SLC9A4: variants seen among roughly 807,000 people sequenced by gnomAD.
SLC9A4 encodes sodium/hydrogen exchanger 4.
Under a neutral mutation model 67.4 loss-of-function variants are expected in SLC9A4, and 63 were observed. The ratio of observed to expected loss-of-function variants is 0.93; its 90% CI spans 0.76 to 1.15. The LOEUF (loss-of-function observed/expected upper bound fraction) is 1.15. Ranked by LOEUF, SLC9A4 falls within the 50% of genes most tolerant of loss-of-function variation. The pLI is 0.00. For missense variants in SLC9A4, 1,089 were observed against 987.7 expected (o/e 1.10, Z -1.38); for synonymous variants, 393 against 367.2 (o/e 1.07, Z -0.80).
intron 11 of SLC9A4, among the ~76,000 whole-genome samples, chr2:102,530,744 C>T (rs1674759459): frequency 6.6e-6 from 1 of 151,950 alleles, no homozygotes; most frequent in South Asian, 2.1e-4. Flanking sequence ...TTGTAGAGAA[C>T]ATGTTAAAGG....
intron 1 of SLC9A4, among the ~76,000 whole-genome samples, chr2:102,476,438 C>T (rs1684333740): frequency 6.6e-6 from 1 of 152,304 alleles, no homozygotes; most frequent in Non-Finnish European, 1.5e-5. Flanking sequence ...TGTAGCATTT[C>T]CCTTTACAAG....
intron 2 of SLC9A4, among the ~76,000 whole-genome samples, chr2:102,490,390 C>T (rs571704202): frequency 2.0e-5 from 3 of 152,318 alleles, no homozygotes; most frequent in Admixed American, 6.5e-5. Flanking sequence ...TCTGTTGAGG[C>T]CTCATTCCTT....
intron 8 of SLC9A4, among the ~76,000 whole-genome samples, chr2:102,515,771 G>A (rs181334048): frequency 6.6e-6 from 1 of 152,136 alleles, no homozygotes; most frequent in Admixed American, 6.5e-5. Context: ...TGACACCTTT[G>A]ATCCAATCCT....
At chr2:102,512,382 C>A in intron 7 of SLC9A4, 109 bp downstream of exon 7, 1 of 1,179,632 alleles carries the variant, frequency 8.5e-7, no homozygotes, top group Non-Finnish European at 1.2e-6. Context: ...AGATAAAGTG[C>A]TCCTGAGCCA....
intron 2 of SLC9A4, among the ~76,000 whole-genome samples, chr2:102,501,001 C>T (rs1031440029): frequency 1.4e-5 from 2 of 147,632 alleles, no homozygotes; most frequent in Non-Finnish European, 3.0e-5. Flanking sequence ...CTCTTGTCAC[C>T]CAGGTTGGAG....
At position 102,510,284 on chromosome 2, in the gene SLC9A4, T is replaced by C. The variant is rs13009989; in HGVS notation, c.1488+1351T>C. On this transcript the variant is annotated intron_variant, in intron 6 of 11. Transcript: ENST00000295269. ...ACAGATACAGATACAGATATAGATA[T>C]AGATATAGATATAGATATAGATATA... is the stretch of plus-strand genomic sequence containing the variant. Among the ~76,000 whole-genome samples the C allele has an allele frequency of 9.3e-3, 364 of 39,316 alleles. 1 individual carries two copies. The highest frequency in any genetic ancestry group is 0.048 in the South Asian group (67 of 1,410). 25.8% of individuals were successfully genotyped at this position (39,316 alleles called of 152,430 possible).
chr2:102,479,438 G>T, intron 2 of SLC9A4, 136 bp downstream of exon 2: 1 of 913,134 alleles, frequency 1.1e-6, no homozygotes. Context: ...CATGCGGTGT[G>T]GTCCGAGTTC....
At chr2:102,517,844 A>G (rs1310388486) in intron 8 of SLC9A4, among the ~76,000 whole-genome samples, 2 of 152,190 alleles carry the variant, frequency 1.3e-5, no homozygotes, top group African/African-American at 4.8e-5. Context: ...ATTTAAGGTG[A>G]TGAAGATCTC....
In SLC9A4 at chr2:102,526,268, A is replaced by T. The variant is rs757742882; in HGVS notation, c.1960A>T (p.Lys654Ter). The T allele has an allele frequency of 5.6e-6, 9 of 1,613,676 alleles. No homozygotes were observed. Among genetic ancestry groups the T allele is most frequent in the Non-Finnish European group, 7.6e-6 (9 of 1,179,690 alleles). ...SLPWGKPAGT[K>*]NIRYLSYPYG... ...TACTTGCTACCCACAGGCTGGCACC[A>T]AGAATATCCGCTACCTCTCCTACCC... is the stretch of plus-strand genomic sequence containing the variant. The change falls in exon 11 of 12, where the codon AAG (lysine) becomes TAG (stop). Residue 654 changes from lysine to a stop codon, truncating the protein, a stop_gained. Coordinates refer to ENST00000295269, the MANE Select transcript of SLC9A4 (RefSeq NM_001011552.4). LOFTEE classifies it high-confidence loss of function.
intron 2 of SLC9A4, among the ~76,000 whole-genome samples, chr2:102,492,380 G>A (rs1413160723): frequency 6.6e-6 from 1 of 152,218 alleles, no homozygotes; most frequent in African/African-American, 2.4e-5. Context: ...GGACATCCAG[G>A]CATTACCATA....
At chr2:102,519,979 TC>T (rs1315982772) in intron 9 of SLC9A4, 24 bp downstream of exon 9, 11 of 1,604,074 alleles carry the variant, frequency 6.9e-6, no homozygotes, top group African/African-American at 2.7e-5. Flanking sequence ...ACCTGTGTTG[TC>T]CCCATTTTCT....
At chr2:102,511,505 C>T (rs1558669104) in intron 6 of SLC9A4, among the ~76,000 whole-genome samples, 1 of 151,796 alleles carries the variant, frequency 6.6e-6, no homozygotes, top group Non-Finnish European at 1.5e-5. Flanking sequence ...ATATTTCAAA[C>T]TATTTTTCAA....
chr2:102,490,095 C>T (rs549743786), intron 2 of SLC9A4, among the ~76,000 whole-genome samples: 1 of 150,764 alleles, frequency 6.6e-6, no homozygotes, highest in South Asian at 2.1e-4. Context: ...TAACTTCCAA[C>T]GTTTTTTTTT....
intron 6 of SLC9A4, among the ~76,000 whole-genome samples, chr2:102,510,121 T>C (rs914951100): frequency 6.6e-6 from 1 of 152,148 alleles, no homozygotes; most frequent in African/African-American, 2.4e-5. Context: ...TGTCCTCCTT[T>C]TTTGTCCAAG....
chr2:102,497,471 C>G (rs889975351), intron 2 of SLC9A4, among the ~76,000 whole-genome samples: 13 of 151,998 alleles, frequency 8.6e-5, no homozygotes, highest in African/African-American at 2.9e-4. Context: ...AGAAAATATG[C>G]CATAACCAGA....
intron 11 of SLC9A4, among the ~76,000 whole-genome samples, chr2:102,530,982 G>A (rs1674767383): frequency 2.0e-5 from 3 of 151,714 alleles, no homozygotes; most frequent in Non-Finnish European, 4.4e-5. Context: ...TCTAGATATG[G>A]AGTTTTTGTT....
chr2:102,531,676 T>A (rs1674781599), intron 11 of SLC9A4, among the ~76,000 whole-genome samples: 1 of 152,346 alleles, frequency 6.6e-6, no homozygotes, highest in Middle Eastern at 3.4e-3. Flanking sequence ...GAGGATTCAA[T>A]GGCATGATAT....
chr2:102,519,127 C>T (rs1163782423), intron 8 of SLC9A4, among the ~76,000 whole-genome samples: 4 of 152,160 alleles, frequency 2.6e-5, no homozygotes, highest in African/African-American at 9.7e-5. Flanking sequence ...TGACTACTAA[C>T]CTGGGCACAG....
rs1451105936 is a variant in SLC9A4, at chr2:102,533,767, G to A, written c.*1079G>A. 2 of 150,840 alleles carry A rather than the reference G, an allele frequency of 1.3e-5. No individual in the cohort carries two copies. Among genetic ancestry groups the A allele is most frequent in the South Asian group, 4.2e-4 (2 of 4,728 alleles). 9.3% of individuals were successfully genotyped at this position (150,840 alleles called of 1,614,324 possible). ...TGTTTGGTTTTTTGTTCTTGGGATA[G>A]TTTACTGAGAATGATGATTTCCAAT... is the stretch of plus-strand genomic sequence containing the variant. On this transcript the variant is annotated 3_prime_UTR_variant, in exon 12 of 12. Coordinates refer to ENST00000295269, the MANE Select transcript of SLC9A4 (RefSeq NM_001011552.4).
Sources: gnomAD v4.1 joint callset for allele counts (sites outside exome capture counted in the v4.1 genomes callset) on GRCh38, gnomAD v4.1.1 for gene constraint, MANE v1.5 for transcripts, NCBI Gene and HGNC (gene_info 2026-07-23, HGNC 2026-07-21) for gene names.